Variants in CNIH3 observed in about 807,000 individuals in gnomAD.
CNIH3 encodes cornichon family AMPA receptor auxiliary protein 3.
In CNIH3, 14 loss-of-function variants were observed where a neutral mutation model predicts 24.1. That is an observed-to-expected ratio of 0.58 (90% CI 0.38 to 0.91). The LOEUF (loss-of-function observed/expected upper bound fraction) is 0.91, where lower values mean the gene tolerates loss of function less well. CNIH3 is among the 40% of genes least tolerant of loss of function. The probability of loss-of-function intolerance (pLI) is 0.00; values close to 1 mark genes in which losing one functional copy is unlikely to be tolerated. For missense variants in CNIH3, 178 were observed against 196.8 expected, an observed-to-expected ratio of 0.90 and a Z score of 0.57; for synonymous variants, 68 against 73.8, an observed-to-expected ratio of 0.92 and a Z score of 0.40.
In CNIH3 at chr1:224,671,041, G is replaced by A. The variant is rs556108325; in HGVS notation, c.82-9917G>A. On this transcript the variant is annotated intron_variant, in intron 1 of 5. Transcript: ENST00000272133. ...CTTCCTCCGAGCAAGAGGGAATTCT[G>A]TCAGCAGACGGCCTTTGGACTTGAA... is the stretch of plus-strand genomic sequence containing the variant. Among the ~76,000 whole-genome samples the A allele has an allele frequency of 6.4e-4, 97 of 152,370 alleles. 2 individuals carry two copies. The highest frequency in any genetic ancestry group is 2.2e-3 in the African/African-American group (91 of 41,594).
At chr1:224,736,804 A>G (rs1233336910) in intron 5 of CNIH3, among the ~76,000 whole-genome samples, 1 of 152,228 alleles carries the variant, frequency 6.6e-6, no homozygotes, top group African/African-American at 2.4e-5. Context: ...AGTCTGAACT[A>G]TTTAACAACC....
intron 3 of CNIH3, among the ~76,000 whole-genome samples, chr1:224,606,260 C>G (rs563451781): frequency 6.6e-6 from 1 of 152,112 alleles, no homozygotes; most frequent in African/African-American, 2.4e-5. Context: ...TTTGTACCTG[C>G]CCTCTTGGTA....
intron 1 of CNIH3, among the ~76,000 whole-genome samples, chr1:224,619,897 T>C (rs746625783): frequency 4.2e-4 from 64 of 152,210 alleles, no homozygotes; most frequent in Non-Finnish European, 8.2e-4. Flanking sequence ...TGTACGTACC[T>C]ACTTAGGGGT....
downstream of CNIH3, among the ~76,000 whole-genome samples, chr1:224,538,013 C>T (rs182386152): frequency 3.3e-5 from 5 of 151,726 alleles, no homozygotes; most frequent in African/African-American, 7.3e-5. Flanking sequence ...TGTAATGGCG[C>T]GATCTTGGCT....
At chr1:224,621,547 A>G (rs887566030) in intron 1 of CNIH3, among the ~76,000 whole-genome samples, 15 of 152,148 alleles carry the variant, frequency 9.9e-5, no homozygotes, top group Admixed American at 2.6e-4. Context: ...CCGTTCTGGC[A>G]TCTCACTTTC....
At chr1:224,441,246 A>G (rs902300472) in intron 1 of CNIH3, among the ~76,000 whole-genome samples, 9 of 152,258 alleles carry the variant, frequency 5.9e-5, no homozygotes. Flanking sequence ...AAAAACATCA[A>G]AATGTTCATA....
chr1:224,725,949 A>ATTGTTTTC lies in CNIH3; in HGVS notation c.199-4513_199-4512insTTGTTTTC, dbSNP rs1689001988. On this transcript the variant is annotated intron_variant, in intron 3 of 5. Coordinates refer to ENST00000272133, the MANE Select transcript of CNIH3 (RefSeq NM_152495.2). Reference sequence around the variant, plus strand: ...CGATTCTATTGTTTTCATAATCTATAAAGGGTACCAATCAGCTGCAGGTCA... The same window carrying ATTGTTTTC: ...CGATTCTATTGTTTTCATAATCTATATTGTTTTCAAGGGTACCAATCAGCTGCAGGTCA... Among the ~76,000 whole-genome samples, 4 of 152,344 alleles carry ATTGTTTTC rather than the reference A, an allele frequency of 2.6e-5. No individual in the cohort carries two copies. The East Asian group carries it at 7.7e-4, about 29-fold the overall frequency.
intron 1 of CNIH3, among the ~76,000 whole-genome samples, chr1:224,627,804 A>T (rs112140818): frequency 8.5e-5 from 13 of 152,104 alleles, no homozygotes; most frequent in Non-Finnish European, 1.3e-4. Context: ...TTCTCTCTCC[A>T]GGGGGCTGCC....
chr1:224,501,641 C>T (rs953433768), intron 1 of CNIH3, among the ~76,000 whole-genome samples: 1 of 150,198 alleles, frequency 6.7e-6, no homozygotes, highest in Non-Finnish European at 1.5e-5. Flanking sequence ...AGTGCAGTGG[C>T]GCGATCTCGG....
At chr1:224,479,587 G>A (rs895637167) in intron 1 of CNIH3, among the ~76,000 whole-genome samples, 2 of 152,212 alleles carry the variant, frequency 1.3e-5, no homozygotes, top group African/African-American at 2.4e-5. Context: ...ATTACAATGG[G>A]GTTACAGGCA....
chr1:224,706,205 G>T (rs2125187473), intron 3 of CNIH3, among the ~76,000 whole-genome samples: 1 of 152,182 alleles, frequency 6.6e-6, no homozygotes, highest in African/African-American at 2.4e-5. Context: ...TACAATAATA[G>T]AATATTAGGG....
intron 3 of CNIH3, among the ~76,000 whole-genome samples, chr1:224,701,330 G>T (rs1261014498): frequency 6.6e-6 from 1 of 152,036 alleles, no homozygotes; most frequent in Admixed American, 6.6e-5. Context: ...ATCTCTCACA[G>T]CTCTGGAGGC....
intron 2 of CNIH3, among the ~76,000 whole-genome samples, chr1:224,545,394 G>A (rs1679665310): frequency 6.6e-6 from 1 of 152,190 alleles, no homozygotes; most frequent in Non-Finnish European, 1.5e-5. Flanking sequence ...CTTGGAGTGA[G>A]AAATGAGCTT....
At chr1:224,562,418 G>C (rs573716963) in intron 3 of CNIH3, among the ~76,000 whole-genome samples, 1 of 152,318 alleles carries the variant, frequency 6.6e-6, no homozygotes, top group South Asian at 2.1e-4. Context: ...TGGTGGAAGA[G>C]ATCTTAGGCC....
chr1:224,625,591 G>T (rs988486070), intron 1 of CNIH3, among the ~76,000 whole-genome samples: 3 of 152,196 alleles, frequency 2.0e-5, no homozygotes, highest in African/African-American at 7.2e-5. Flanking sequence ...CTCTGCTGAA[G>T]GCCCATGGAA....
chr1:224,638,596 G>A (rs1000406080), intron 1 of CNIH3, among the ~76,000 whole-genome samples: 1 of 152,184 alleles, frequency 6.6e-6, no homozygotes, highest in Non-Finnish European at 1.5e-5. Flanking sequence ...GGCAGGGTTA[G>A]TGGTTCCCAT....
intron 1 of CNIH3, among the ~76,000 whole-genome samples, chr1:224,637,759 C>T (rs753313383): frequency 3.9e-5 from 6 of 152,136 alleles, no homozygotes; most frequent in Admixed American, 1.3e-4. Flanking sequence ...CTCAGCTGGG[C>T]GGAGGCAGAG....
chr1:224,728,650 T>C (rs1024012292), intron 3 of CNIH3, among the ~76,000 whole-genome samples: 20 of 152,232 alleles, frequency 1.3e-4, no homozygotes, highest in African/African-American at 4.6e-4. Flanking sequence ...TCTCCCTCTG[T>C]GTCTGCCATC....
chr1:224,518,053 T>C (rs1476622093), intron 1 of CNIH3, among the ~76,000 whole-genome samples: 1 of 152,128 alleles, frequency 6.6e-6, no homozygotes, highest in African/African-American at 2.4e-5. Context: ...GACTGGATAA[T>C]GGAGTGCTGT....
Sources: allele counts gnomAD v4.1 joint callset (sites outside exome capture counted in the v4.1 genomes callset), GRCh38; gene constraint gnomAD v4.1.1; transcripts MANE v1.5; gene names NCBI Gene and HGNC (gene_info 2026-07-23, HGNC 2026-07-21).